Variants in TNRC6A observed in about 807,000 individuals in gnomAD.
The protein encoded by TNRC6A is trinucleotide repeat containing adaptor 6A, also known as trinucleotide repeat-containing gene 6A protein.
Under a neutral mutation model 221.2 loss-of-function variants are expected in TNRC6A, and 44 were observed. That is an observed-to-expected ratio of 0.20 (90% CI 0.16 to 0.26). TNRC6A has a LOEUF of 0.26. Ranked by LOEUF, TNRC6A falls within the 10% of genes least tolerant of loss-of-function variation. The pLI is 1.00. For synonymous variants in TNRC6A, 847 were observed against 838.5 expected, an observed-to-expected ratio of 1.01 and a Z score of -0.18; for missense variants, 2,199 against 2,404.4, an observed-to-expected ratio of 0.91 and a Z score of 1.79.
In TNRC6A at chr16:24,791,616, C is replaced by G; in HGVS notation, c.2974C>G (p.Pro992Ala). 6.2e-7 allele frequency: 1 copy of G among 1,608,090 alleles called. No individual in the cohort carries two copies. Among genetic ancestry groups the G allele is most frequent in the Non-Finnish European group, 8.5e-7 (1 of 1,177,636 alleles). ...ACCCACAGGCTGGGAGGAACCATCC[C>G]CAGAATCTATACGTCGCAAAATGGA... ...EEPTGWEEPSPESIRRKMEID... is the reference protein window; with the variant it reads ...EEPTGWEEPSAESIRRKMEID... Residue 992 changes from proline to alanine, a missense_variant, in exon 6 of 25, where the codon CCA becomes GCA. Pro to Ala is a conservative substitution (Grantham distance 27). This residue lies in a region of TNRC6A where 1,405 missense variants were observed against 1,400.2 expected (regional missense o/e 1.00). Coordinates refer to ENST00000395799, the MANE Select transcript of TNRC6A (RefSeq NM_014494.4).
chr16:24,784,237 G>C (rs1474297593), intron 5 of TNRC6A, among the ~76,000 whole-genome samples: 1 of 152,174 alleles, frequency 6.6e-6, no homozygotes, highest in Non-Finnish European at 1.5e-5. Context: ...CTTGACCTCA[G>C]TTGATCCTCC....
intron 21 of TNRC6A, 66 bp downstream of exon 21, chr16:24,818,766 T>C (rs2058706279): frequency 1.7e-6 from 2 of 1,209,118 alleles, no homozygotes; most frequent in Non-Finnish European, 2.5e-6. Context: ...GTTGTTTTAA[T>C]GCCCTCTTCT....
At chr16:24,748,232 T>G (rs763534862) in intron 2 of TNRC6A, among the ~76,000 whole-genome samples, 3 of 152,236 alleles carry the variant, frequency 2.0e-5, no homozygotes, top group Non-Finnish European at 4.4e-5. Context: ...TGAAGAAGAT[T>G]AAGTATTTTT....
chr16:24,618,116 C>T (rs148919083), intron 1 of TNRC6A, among the ~76,000 whole-genome samples: 11 of 132,338 alleles, frequency 8.3e-5, no homozygotes, highest in East Asian at 8.1e-4. Context: ...GATGGGGTTT[C>T]GCCATGTTGC....
At chr16:24,620,850 C>T (rs1285084162) in intron 1 of TNRC6A, among the ~76,000 whole-genome samples, 1 of 151,696 alleles carries the variant, frequency 6.6e-6, no homozygotes, top group African/African-American at 2.4e-5. Flanking sequence ...CTTTGGGAGG[C>T]CGAGGCGGGT....
intron 1 of TNRC6A, among the ~76,000 whole-genome samples, chr16:24,633,806 G>A (rs60325484): frequency 0.094 from 13,476 of 143,506 alleles, 1,626 homozygotes; most frequent in African/African-American, 0.29. Flanking sequence ...TTTTCGAGAC[G>A]AAGTCTCGCT....
intron 21 of TNRC6A, chr16:24,819,591 A>C (rs1369494340): frequency 6.7e-6 from 1 of 148,726 alleles, no homozygotes; most frequent in Non-Finnish European, 1.4e-5. Context: ...TTAGACCCAT[A>C]AGCAAATTAC....
intron 1 of TNRC6A, among the ~76,000 whole-genome samples, chr16:24,621,309 C>A (rs1900660898): frequency 6.9e-6 from 1 of 144,372 alleles, no homozygotes; most frequent in Admixed American, 7.0e-5. Flanking sequence ...ACATTCTTAA[C>A]AATGTATAGT....
intron 2 of TNRC6A, among the ~76,000 whole-genome samples, chr16:24,690,155 A>G (rs11074647): frequency 0.083 from 12,562 of 151,686 alleles, 1,025 homozygotes; most frequent in African/African-American, 0.21. Flanking sequence ...AACTACAGGC[A>G]CATGCCACCA....
At chr16:24,731,740 T>G (rs1340566354) in intron 2 of TNRC6A, among the ~76,000 whole-genome samples, 1 of 152,254 alleles carries the variant, frequency 6.6e-6, no homozygotes, top group East Asian at 1.9e-4. Flanking sequence ...AAAAATTGTC[T>G]GTGCCACAGG....
Position 24,807,681 on chromosome 16 carries a change from C to T in TNRC6A, c.4540+897C>T, listed in dbSNP as rs182608104. 2.4e-3 allele frequency among the ~76,000 whole-genome samples: 269 copies of T among 112,318 alleles called. 1 individual carries two copies. In the Middle Eastern group the frequency reaches 0.041, roughly 17 times the overall value. The allele number at this position is 112,318 out of a possible 152,430, so 73.7% of individuals were successfully genotyped here. ...TCTCTGTTATCTCCAGGCTTTTATT[C>T]ACTGGGTAGAGATTTTGAGCTTATA... On this transcript the variant is annotated intron_variant, in intron 17 of 24. Transcript: ENST00000395799.
intron 2 of TNRC6A, among the ~76,000 whole-genome samples, chr16:24,666,639 GAAAAAAAAAAA>G (rs1164353374): frequency 1.8e-3 from 57 of 31,508 alleles, no homozygotes; most frequent in African/African-American, 5.4e-3. Flanking sequence ...CTGTCTTAGA[GAAAAAAAAAAA>G]AAAAAAAAAA....
chr16:24,626,816 AT>A (rs564636170), intron 1 of TNRC6A, among the ~76,000 whole-genome samples: 8 of 151,274 alleles, frequency 5.3e-5, no homozygotes, highest in African/African-American at 1.7e-4. Context: ...CGCCCGGCTA[AT>A]TTTTTTGTAC....
chr16:24,678,548 G>A (rs572397652), intron 2 of TNRC6A, among the ~76,000 whole-genome samples: 21 of 152,052 alleles, frequency 1.4e-4, no homozygotes, highest in Admixed American at 2.6e-4. Flanking sequence ...GCTTAGAAGC[G>A]GATTCTCCCA....
At chr16:24,748,215 CAG>C (rs2057055201) in intron 2 of TNRC6A, among the ~76,000 whole-genome samples, 1 of 152,242 alleles carries the variant, frequency 6.6e-6, no homozygotes, top group Admixed American at 6.5e-5. Flanking sequence ...CATGAAGAAA[CAG>C]AGGCTGAAGA....
intron 1 of TNRC6A, among the ~76,000 whole-genome samples, chr16:24,631,029 A>C (rs963521250): frequency 9.2e-5 from 14 of 152,126 alleles, no homozygotes; most frequent in African/African-American, 3.4e-4. Flanking sequence ...AAAGAAAAAA[A>C]AAAAAGGGAC....
chr16:24,626,792 G>A (rs952126082), intron 1 of TNRC6A, among the ~76,000 whole-genome samples: 1 of 151,382 alleles, frequency 6.6e-6, no homozygotes, highest in Non-Finnish European at 1.5e-5. Context: ...TGGGATTACA[G>A]GCACCCACCA....
At position 24,818,690 on chromosome 16, in the gene TNRC6A, A is replaced by G. The variant is rs141549721; in HGVS notation, c.5070A>G (p.Gln1690=). 5.4e-5 allele frequency: 87 copies of G among 1,613,910 alleles called. No individual in the cohort carries two copies. The highest frequency in any genetic ancestry group is 6.9e-5 in the Non-Finnish European group (81 of 1,179,912). ...NYNVPLSSTA[Q]STSARNSDSK... ...ACGTTCCCCTCAGCAGTACAGCACAAAGCACTTCAGGTGGGCCTCGCCTTC... is the reference window on the plus strand; with the variant it reads ...ACGTTCCCCTCAGCAGTACAGCACAGAGCACTTCAGGTGGGCCTCGCCTTC... Residue 1690 remains glutamine, a synonymous_variant, in exon 21 of 25, where the codon CAA becomes CAG. Transcript: ENST00000395799.
chr16:24,633,010 G>A (rs1242292841), intron 1 of TNRC6A, among the ~76,000 whole-genome samples: 46 of 129,006 alleles, frequency 3.6e-4, no homozygotes, highest in Non-Finnish European at 3.9e-4. Flanking sequence ...ACTCAGTCTC[G>A]AAAAAAAAAA....
Sources: allele counts gnomAD v4.1 joint callset (sites outside exome capture counted in the v4.1 genomes callset), GRCh38; gene constraint gnomAD v4.1.1; regional missense constraint gnomAD v4.1.1; transcripts MANE v1.5; gene names NCBI Gene and HGNC (gene_info 2026-07-23, HGNC 2026-07-21).